The following MMP16 variants were observed in gnomAD, a reference collection of about 807,000 sequenced individuals.
MMP16 encodes the protein matrix metallopeptidase 16.
Under a neutral mutation model 67.8 loss-of-function variants are expected in MMP16, and 12 were observed. The observed-to-expected ratio is 0.18, with a 90% confidence interval of 0.11 to 0.29. The LOEUF (loss-of-function observed/expected upper bound fraction) is 0.29, where lower values mean the gene tolerates loss of function less well. MMP16 is among the 10% of genes least tolerant of loss of function. MMP16 has a pLI of 1.00. For synonymous variants in MMP16, 249 were observed against 255.9 expected (o/e 0.97, Z 0.26); for missense variants, 475 against 765.7 (o/e 0.62, Z 4.48).
At chr8:88,244,386 C>T (rs199598121) in intron 1 of MMP16, among the ~76,000 whole-genome samples, 23 of 152,210 alleles carry the variant, frequency 1.5e-4, no homozygotes, top group Admixed American at 2.6e-4. Flanking sequence ...AAAGCCATAT[C>T]GAACTCTGGC....
chr8:88,174,873 C>T (rs1808861816), intron 3 of MMP16, among the ~76,000 whole-genome samples: 1 of 151,878 alleles, frequency 6.6e-6, no homozygotes, highest in Admixed American at 6.6e-5. Context: ...TCCTGCCTAG[C>T]CTACTGAGTT....
intron 4 of MMP16, among the ~76,000 whole-genome samples, chr8:88,155,846 C>A (rs932979309): frequency 6.6e-6 from 1 of 152,050 alleles, no homozygotes; most frequent in Non-Finnish European, 1.5e-5. Flanking sequence ...TCAGTGACAG[C>A]CTTTTATTCC....
intron 4 of MMP16, among the ~76,000 whole-genome samples, chr8:88,159,426 T>A (rs546282187): frequency 5.3e-5 from 8 of 152,224 alleles, no homozygotes; most frequent in African/African-American, 1.7e-4. Context: ...TTTGAAGCAA[T>A]TGTGAATGGG....
At chr8:88,229,043 A>G (rs892655734) in intron 1 of MMP16, among the ~76,000 whole-genome samples, 1 of 151,798 alleles carries the variant, frequency 6.6e-6, no homozygotes, top group African/African-American at 2.4e-5. Flanking sequence ...CACCTGTAGT[A>G]CCAGCTACTC....
chr8:88,196,800 C>G (rs1809264004), intron 2 of MMP16, among the ~76,000 whole-genome samples: 1 of 152,000 alleles, frequency 6.6e-6, no homozygotes, highest in Non-Finnish European at 1.5e-5. Flanking sequence ...TACCAATGAA[C>G]AGAGATTTGG....
intron 1 of MMP16, among the ~76,000 whole-genome samples, chr8:88,303,823 C>T (rs1179952617): frequency 6.6e-6 from 1 of 152,138 alleles, no homozygotes; most frequent in Non-Finnish European, 1.5e-5. Context: ...CCTCAAAGAT[C>T]CAAGGTAGAT....
At chr8:88,139,722 C>T (rs527852672) in intron 4 of MMP16, among the ~76,000 whole-genome samples, 70 of 151,988 alleles carry the variant, frequency 4.6e-4, no homozygotes, top group African/African-American at 1.7e-3. Flanking sequence ...AAAAATTGGC[C>T]ATGTTTCAAT....
At chr8:88,296,740 G>T (rs866072695) in intron 1 of MMP16, among the ~76,000 whole-genome samples, 71 of 151,408 alleles carry the variant, frequency 4.7e-4, no homozygotes, top group African/African-American at 1.6e-3. Flanking sequence ...GGCTACTCAG[G>T]GGGCTGAGGC....
intron 1 of MMP16, among the ~76,000 whole-genome samples, chr8:88,242,224 A>G (rs906636893): frequency 4.6e-5 from 7 of 152,242 alleles, no homozygotes; most frequent in African/African-American, 1.7e-4. Context: ...AGACGGGACA[A>G]GAGCACACAG....
At chr8:88,142,195 C>G (rs1163890390) in intron 4 of MMP16, among the ~76,000 whole-genome samples, 1 of 152,016 alleles carries the variant, frequency 6.6e-6, no homozygotes, top group Non-Finnish European at 1.5e-5. Context: ...CAGGCGTGAG[C>G]CACCATGCCC....
At chr8:88,255,337 C>T (rs189104087) in intron 1 of MMP16, among the ~76,000 whole-genome samples, 78 of 152,266 alleles carry the variant, frequency 5.1e-4, no homozygotes, top group Admixed American at 2.2e-3. Context: ...CTGAGGCCCT[C>T]GCCAGAAGCA....
intron 4 of MMP16, among the ~76,000 whole-genome samples, chr8:88,158,665 TTTAA>T (rs1395458469): frequency 1.3e-5 from 2 of 152,166 alleles, no homozygotes; most frequent in Admixed American, 1.3e-4. Flanking sequence ...AGCTCTTTAG[TTTAA>T]TTAGATTCCA....
At chr8:88,211,200 T>C (rs1036927551) in intron 1 of MMP16, among the ~76,000 whole-genome samples, 2 of 152,156 alleles carry the variant, frequency 1.3e-5, no homozygotes, top group African/African-American at 4.8e-5. Context: ...TCTGGTTTCA[T>C]ACAGCTGAAT....
intron 4 of MMP16, among the ~76,000 whole-genome samples, chr8:88,139,716 A>G (rs1449103298): frequency 6.6e-6 from 1 of 152,130 alleles, no homozygotes; most frequent in Non-Finnish European, 1.5e-5. Flanking sequence ...TAATTAAAAA[A>G]TTGGCCATGT....
rs1201192172 is a variant in MMP16 at position 88,132,204 on chromosome 8, T to C, written c.710-13343A>G. On this transcript the variant is annotated intron_variant, in intron 4 of 9. Transcript: ENST00000286614. The stretch of plus-strand genomic sequence containing the variant: ...AAGTAAAAAAAATAAAGATTGTGTA[T>C]ATACGTAAGAATAAATTTCAATACT... Among the ~76,000 whole-genome samples, 6 of 152,000 alleles carry C rather than the reference T, an allele frequency of 3.9e-5. No homozygotes were observed. The East Asian group carries it at 7.8e-4, about 20-fold the overall frequency.
At chr8:88,088,534 G>A (rs1370282641) in intron 6 of MMP16, among the ~76,000 whole-genome samples, 1 of 152,020 alleles carries the variant, frequency 6.6e-6, no homozygotes, top group Non-Finnish European at 1.5e-5. Context: ...AAATTACAAA[G>A]CAAAACACCC....
intron 6 of MMP16, among the ~76,000 whole-genome samples, chr8:88,104,470 T>A (rs1351808960): frequency 6.6e-6 from 1 of 151,602 alleles, no homozygotes; most frequent in Non-Finnish European, 1.5e-5. Context: ...AAAATTCCAA[T>A]TGCCTAGTGA....
At chr8:88,316,932 CCT>C (rs2130078121) in intron 1 of MMP16, among the ~76,000 whole-genome samples, 1 of 152,096 alleles carries the variant, frequency 6.6e-6, no homozygotes, top group South Asian at 2.1e-4. Flanking sequence ...TATTCCAATC[CCT>C]GTCGATGACT....
Position 88,032,624 on chromosome 8 carries a change from A to G in MMP16, c.*8837T>C, listed in dbSNP as rs1021443113. The G allele has an allele frequency of 6.6e-6, 1 of 152,144 alleles. No homozygotes were observed. Among genetic ancestry groups the G allele is most frequent in the South Asian group, 2.1e-4 (1 of 4,826 alleles). 9.4% of individuals were successfully genotyped at this position (152,144 alleles called of 1,614,324 possible). A position where few individuals can be genotyped will look rare whatever the true frequency, so the allele number is the denominator to read the frequency against. On this transcript the variant is annotated 3_prime_UTR_variant, in exon 10 of 10. Transcript: ENST00000286614. ...AAAATTTTGCCTGATTTTATCTGAC[A>G]GTCATAATACACTTTAGCACCATTT...
Sources: allele counts gnomAD v4.1 joint callset (sites outside exome capture counted in the v4.1 genomes callset), GRCh38; gene constraint gnomAD v4.1.1; transcripts MANE v1.5; gene names NCBI Gene and HGNC (gene_info 2026-07-23, HGNC 2026-07-21).